Variants in TARS3 observed in about 807,000 individuals in gnomAD.
TARS3 encodes threonyl-tRNA synthetase 3.
A neutral mutation model predicts 103.5 loss-of-function variants in TARS3; 94 were observed. The ratio of observed to expected loss-of-function variants is 0.91; its 90% confidence interval spans 0.77 to 1.08. TARS3 has a LOEUF of 1.08. TARS3 is among the 50% of genes least tolerant of loss of function. The pLI, the probability that TARS3 is intolerant of heterozygous loss-of-function variation, is 0.00. For synonymous variants in TARS3, 416 were observed against 355.4 expected (o/e 1.17, Z -1.92); for missense variants, 952 against 995.2 (o/e 0.96, Z 0.58).
rs142225494 is a variant in TARS3 at position 101,687,016 on chromosome 15, T to C, written c.1321-954A>G. ...CTGAAAGGAATGTTGTCTGTTATTC[T>C]TCAGCAGGGCATCCTGGCAGTCCAC... On this transcript the variant is annotated intron_variant, in intron 10 of 18. Coordinates refer to ENST00000335968, the MANE Select transcript of TARS3 (RefSeq NM_152334.3). 2.3e-3 allele frequency among the ~76,000 whole-genome samples: 351 copies of C among 152,292 alleles called. 4 individuals carry two copies. Among genetic ancestry groups the C allele is most frequent in the African/African-American group, 8.0e-3 (331 of 41,562 alleles).
intron 2 of TARS3, 107 bp from the exon 3 acceptor site, chr15:101,721,429 A>G (rs1900453549): frequency 1.3e-6 from 1 of 777,768 alleles, no homozygotes; most frequent in Non-Finnish European, 2.0e-6. Flanking sequence ...AGTTCTACAG[A>G]TGGTCCCAAG....
At chr15:101,700,643 CT>C (rs756944000) in intron 10 of TARS3, among the ~76,000 whole-genome samples, 22,131 of 144,938 alleles carry the variant, frequency 0.15, 1,691 homozygotes, top group Non-Finnish European at 0.17. Context: ...TAGTACCTCA[CT>C]TTTTTTTTTT....
At chr15:101,708,257 G>GAAAAAAA (rs60601502) in intron 6 of TARS3, among the ~76,000 whole-genome samples, 1 of 48,602 alleles carries the variant, frequency 2.1e-5, no homozygotes, top group Non-Finnish European at 3.4e-5. Context: ...GACTCTGTCT[G>GAAAAAAA]AAAAAAAAAA....
intron 10 of TARS3, among the ~76,000 whole-genome samples, chr15:101,698,357 T>A (rs1453731741): frequency 2.0e-5 from 3 of 151,166 alleles, no homozygotes; most frequent in East Asian, 3.9e-4. Flanking sequence ...AATAAAAAAA[T>A]ACATAAATAA....
At position 101,724,145 on chromosome 15, in the gene TARS3, G is replaced by C. The variant is rs767583130; in HGVS notation, c.243C>G (p.Arg81=). Reference sequence around the variant, plus strand: ...GCTCCGCGCTCTCCAGCGTGGCCTGGCGGCTCCGCTCCTCGGCGAGGCACA... The same window carrying C: ...GCTCCGCGCTCTCCAGCGTGGCCTGCCGGCTCCGCTCCTCGGCGAGGCACA... ...LRLCLAEERS[R]QATLESAELE... Residue 81 remains arginine, a synonymous_variant, in exon 1 of 19, where the codon CGC becomes CGG. Transcript: ENST00000335968. 831 of 1,457,734 alleles carry C rather than the reference G, an allele frequency of 5.7e-4. 1 individual carries two copies. The highest frequency in any genetic ancestry group is 7.4e-4 in the Non-Finnish European group (815 of 1,105,860). The allele number at this position is 1,457,734 out of a possible 1,614,324, so 90.3% of individuals were successfully genotyped here.
Position 101,667,120 on chromosome 15 carries a change from G to C in TARS3, c.1967+4366C>G, listed in dbSNP as rs187474926. ...TCAATGAGCAGTAATCTTTTGAAAT[G>C]AATCTTTTTTTTTTTCCTGAGCAGT... is the stretch of plus-strand genomic sequence containing the variant. On this transcript the variant is annotated intron_variant, in intron 15 of 18. Coordinates refer to ENST00000335968, the MANE Select transcript of TARS3 (RefSeq NM_152334.3). Among the ~76,000 whole-genome samples the C allele has an allele frequency of 2.6e-3, 398 of 152,176 alleles. 2 individuals are homozygous for C. The highest frequency in any genetic ancestry group is 9.1e-3 in the African/African-American group (377 of 41,516).
At chr15:101,674,977 AGAG>A (rs1897963751) in intron 13 of TARS3, among the ~76,000 whole-genome samples, 3 of 152,138 alleles carry the variant, frequency 2.0e-5, no homozygotes, top group South Asian at 2.1e-4. Flanking sequence ...TATTCCAAGA[AGAG>A]GAGAACTAAC....
chr15:101,676,836 T>G (rs1361393761), intron 12 of TARS3, among the ~76,000 whole-genome samples: 1 of 150,264 alleles, frequency 6.7e-6, no homozygotes, highest in Non-Finnish European at 1.5e-5. Context: ...TGGGTGCACG[T>G]GCAGGATGTG....
intron 18 of TARS3, among the ~76,000 whole-genome samples, chr15:101,655,511 C>T (rs1451333741): frequency 4.9e-5 from 6 of 122,174 alleles, no homozygotes; most frequent in African/African-American, 1.9e-4. Flanking sequence ...TCACACTGAC[C>T]CCACCTGGCA....
intron 10 of TARS3, among the ~76,000 whole-genome samples, chr15:101,700,434 T>C (rs1165787802): frequency 2.0e-5 from 3 of 152,242 alleles, no homozygotes; most frequent in African/African-American, 4.8e-5. Context: ...CAATGCTTCA[T>C]GGCTTAACAC....
intron 1 of TARS3, among the ~76,000 whole-genome samples, chr15:101,723,455 A>AT (rs1567364285): frequency 1.3e-5 from 2 of 152,208 alleles, no homozygotes; most frequent in African/African-American, 2.4e-5. Flanking sequence ...GCCACATCAA[A>AT]TGCACTATTT....
intron 6 of TARS3, among the ~76,000 whole-genome samples, chr15:101,706,730 T>C (rs2141437447): frequency 6.6e-6 from 1 of 152,346 alleles, no homozygotes; most frequent in East Asian, 1.9e-4. Context: ...TATCGGGGTA[T>C]ACAAGGCACT....
At chr15:101,688,352 C>T (rs1041103752) in intron 10 of TARS3, among the ~76,000 whole-genome samples, 1 of 152,080 alleles carries the variant, frequency 6.6e-6, no homozygotes, top group African/African-American at 2.4e-5. Flanking sequence ...ATTTCTTTCT[C>T]TAATGCTGGG....
chr15:101,686,596 A>G (rs1380289036), intron 10 of TARS3, among the ~76,000 whole-genome samples: 4 of 152,174 alleles, frequency 2.6e-5, no homozygotes, highest in African/African-American at 7.2e-5. Flanking sequence ...GAGACAGGAG[A>G]AGAGAGTTTT....
At chr15:101,699,776 A>G (rs1349138425) in intron 10 of TARS3, among the ~76,000 whole-genome samples, 2 of 152,236 alleles carry the variant, frequency 1.3e-5, no homozygotes, top group Non-Finnish European at 2.9e-5. Flanking sequence ...GACGGAGAAC[A>G]AGACTGGAGA....
intron 10 of TARS3, among the ~76,000 whole-genome samples, chr15:101,700,391 G>A (rs1198015427): frequency 6.6e-6 from 1 of 152,214 alleles, no homozygotes; most frequent in African/African-American, 2.4e-5. Flanking sequence ...GCAAAGGGAA[G>A]CATCAGTGGC....
At chr15:101,699,969 A>T (rs182643535) in intron 10 of TARS3, among the ~76,000 whole-genome samples, 173 of 152,320 alleles carry the variant, frequency 1.1e-3, no homozygotes, top group Middle Eastern at 3.4e-3. Flanking sequence ...GATGAAAAGA[A>T]GTCCTAAGCC....
Position 101,657,821 on chromosome 15 carries a change from G to T in TARS3, c.2109C>A (p.Ile703=). ...ATTTTTCACAAGTTGGCCCCACAGG[G>T]ATGACCATCACCTGACGAGGAGATA... The part of the protein sequence containing the change: ...FWLSPRQVMV[I]PVGPTCEKYA... The change falls in exon 17 of 19, where the codon ATC becomes ATA. Residue 703 remains isoleucine (I), a synonymous_variant. Transcript: ENST00000335968. 1.9e-6 allele frequency: 3 copies of T among 1,609,806 alleles called. No homozygotes were observed. The highest frequency in any genetic ancestry group is 1.7e-5 in the Admixed American group (1 of 59,662).
intron 1 of TARS3, 38 bp from the exon 2 acceptor site, chr15:101,723,202 A>C (rs1298915069): frequency 5.7e-6 from 9 of 1,569,356 alleles, no homozygotes; most frequent in Non-Finnish European, 7.9e-6. Context: ...ATCAATGGCA[A>C]GAAAAAGCAA....
Sources: gnomAD v4.1 joint callset for allele counts (sites outside exome capture counted in the v4.1 genomes callset) on GRCh38, gnomAD v4.1.1 for gene constraint, MANE v1.5 for transcripts, NCBI Gene and HGNC (gene_info 2026-07-23, HGNC 2026-07-21) for gene names.